Variants in SERPINA11 observed in about 807,000 individuals in gnomAD.
SERPINA11 encodes serpin A11.
A neutral mutation model predicts 29.4 loss-of-function variants in SERPINA11; 28 were observed. The observed-to-expected ratio is 0.95, with a 90% CI of 0.70 to 1.30. The LOEUF (loss-of-function observed/expected upper bound fraction) is 1.30. Among genes scored for constraint, SERPINA11 ranks in the 50% most tolerant of loss-of-function variants. The pLI is 0.00. For synonymous variants in SERPINA11, 253 were observed against 206.6 expected, an observed-to-expected ratio of 1.22 and a Z score of -1.92; for missense variants, 530 against 507.3, an observed-to-expected ratio of 1.04 and a Z score of -0.43.
At chr14:94,446,128 A>G (rs982499969) in intron 3 of SERPINA11, among the ~76,000 whole-genome samples, 2 of 152,192 alleles carry the variant, frequency 1.3e-5, no homozygotes, top group Non-Finnish European at 2.9e-5. Flanking sequence ...CTACTGAGCA[A>G]CCCAATGAGG....
At chr14:94,449,523 TTC>T (rs1212371384) in intron 1 of SERPINA11, among the ~76,000 whole-genome samples, 1 of 145,666 alleles carries the variant, frequency 6.9e-6, no homozygotes, top group African/African-American at 2.6e-5. Context: ...CTTTCTTTCT[TTC>T]TTTTTCTTTC....
chr14:94,447,466 C>T (rs940271240), intron 2 of SERPINA11, among the ~76,000 whole-genome samples: 1 of 152,234 alleles, frequency 6.6e-6, no homozygotes, highest in Admixed American at 6.5e-5. Flanking sequence ...AACCTCCCAA[C>T]TTGTCTCTCC....
chr14:94,448,413 C>A lies in SERPINA11; in HGVS notation c.362G>T (p.Ser121Ile), dbSNP rs1421120199. ...PEADIHQGFR[S>I]LLHTLALPSP... ...GGGCAGGGCAAGGGTGTGGAGGAGGCTCCGGAAGCCCTGGTGGATGTCGGC... is the reference window on the plus strand; with the variant it reads ...GGGCAGGGCAAGGGTGTGGAGGAGGATCCGGAAGCCCTGGTGGATGTCGGC... The change falls in exon 2 of 5, where the codon AGC becomes ATC. Residue 121 changes from serine (S) to isoleucine (I), a missense_variant. Ser to Ile is a moderately radical substitution (Grantham distance 142). Coordinates refer to ENST00000334708, the MANE Select transcript of SERPINA11 (RefSeq NM_001080451.2). 6.2e-7 allele frequency: 1 copy of A among 1,614,138 alleles called. No individual in the cohort carries two copies. Among genetic ancestry groups the A allele is most frequent in the Non-Finnish European group, 8.5e-7 (1 of 1,180,014 alleles).
In SERPINA11 at chr14:94,449,479, TTCTGTCTGTCTGTCTTTCTTTC is replaced by T. The variant is rs1566784760; in HGVS notation, c.-3-724_-3-703del. 3.3e-3 allele frequency among the ~76,000 whole-genome samples: 278 copies of T among 84,818 alleles called. 1 individual carries two copies. Among genetic ancestry groups the T allele is most frequent in the Admixed American group, 4.5e-3 (37 of 8,138 alleles). 55.6% of individuals were successfully genotyped at this position (84,818 alleles called of 152,430 possible). Reference sequence around the variant, plus strand: ...TTTCTTTCTTTCTTTCTTTCTTTCTTTCTGTCTGTCTGTCTTTCTTTCTCTTTCTTTTTCTTTCTTTCTTTCT... The same window carrying T: ...TTTCTTTCTTTCTTTCTTTCTTTCTTTCTTTCTTTTTCTTTCTTTCTTTCT... On this transcript the variant is annotated intron_variant, in intron 1 of 4. Transcript: ENST00000334708.
At chr14:94,447,068 G>A (rs1898456894) in intron 2 of SERPINA11, among the ~76,000 whole-genome samples, 1 of 152,108 alleles carries the variant, frequency 6.6e-6, no homozygotes. Context: ...CAACCAAACT[G>A]CCTCTAGACA....
intron 1 of SERPINA11, among the ~76,000 whole-genome samples, chr14:94,449,531 CTT>C (rs1382738500): frequency 1.1e-5 from 1 of 92,210 alleles, no homozygotes; most frequent in African/African-American, 4.2e-5. Flanking sequence ...CTTTCTTTTT[CTT>C]TCTTTCTTTC....
chr14:94,445,231 A>G (rs556094002), intron 3 of SERPINA11, among the ~76,000 whole-genome samples: 1 of 152,260 alleles, frequency 6.6e-6, no homozygotes, highest in South Asian at 2.1e-4. Context: ...AGCCCAGTTA[A>G]CCCATAGAAC....
In SERPINA11 at chr14:94,446,621, C is replaced by T; in HGVS notation, c.644-17G>A. ...TCCACTTGGCTTAGGACACAAAACC[C>T]ATAAGGCCATGAGAACTCTTTTCAA... On this transcript the variant is annotated splice_polypyrimidine_tract_variant and intron_variant, in intron 2 of 4. Transcript: ENST00000334708. 1 of 1,605,186 alleles carries T rather than the reference C, an allele frequency of 6.2e-7. No individual in the cohort carries two copies. The highest frequency in any genetic ancestry group is 8.5e-7 in the Non-Finnish European group (1 of 1,176,028).
intron 3 of SERPINA11, among the ~76,000 whole-genome samples, chr14:94,444,051 C>G (rs556290297): frequency 6.6e-6 from 1 of 152,290 alleles, no homozygotes; most frequent in African/African-American, 2.4e-5. Flanking sequence ...GCTGGTTTGA[C>G]TCCTGGGCAA....
Sources: allele counts gnomAD v4.1 joint callset (sites outside exome capture counted in the v4.1 genomes callset), GRCh38; gene constraint gnomAD v4.1.1; transcripts MANE v1.5; gene names NCBI Gene and HGNC (gene_info 2026-07-23, HGNC 2026-07-21).